The following ME1 variants were observed in gnomAD, a reference collection of about 807,000 sequenced individuals.
The protein encoded by ME1 is malic enzyme 1, also known as NADP-dependent malic enzyme.
In ME1, 74 loss-of-function variants were observed where a neutral mutation model predicts 66.4. The observed-to-expected ratio is 1.11, with a 90% CI of 0.92 to 1.35. The LOEUF (loss-of-function observed/expected upper bound fraction) is 1.35, where lower values mean the gene tolerates loss of function less well. Among genes scored for constraint, ME1 ranks in the 40% most tolerant of loss-of-function variants. The pLI is 0.00. For missense variants in ME1, 750 were observed against 694.1 expected (o/e 1.08, Z -0.90); for synonymous variants, 251 against 235.6 (o/e 1.07, Z -0.60).
intron 6 of ME1, among the ~76,000 whole-genome samples, chr6:83,301,611 G>A (rs2128536815): frequency 6.6e-6 from 1 of 152,188 alleles, no homozygotes; most frequent in East Asian, 1.9e-4. Flanking sequence ...CCAAAGTGCT[G>A]GGATTACAGG....
At chr6:83,408,982 G>C (rs1200453036) in intron 1 of ME1, among the ~76,000 whole-genome samples, 1 of 152,136 alleles carries the variant, frequency 6.6e-6, no homozygotes, top group Admixed American at 6.5e-5. Flanking sequence ...GGGCCTTTGG[G>C]AGGTGATTAG....
intron 10 of ME1, 68 bp downstream of exon 10, chr6:83,228,758 T>A: frequency 1.9e-6 from 2 of 1,026,776 alleles, no homozygotes; most frequent in Non-Finnish European, 2.9e-6. Context: ...ACCTCAAAAA[T>A]TGGTAGTAAA....
intron 2 of ME1, among the ~76,000 whole-genome samples, chr6:83,406,693 T>A (rs1421912680): frequency 6.6e-6 from 1 of 152,178 alleles, no homozygotes; most frequent in African/African-American, 2.4e-5. Flanking sequence ...TGCACAGGTG[T>A]TTTTGGATGA....
At chr6:83,390,328 G>A (rs780963659) in intron 3 of ME1, among the ~76,000 whole-genome samples, 1 of 152,066 alleles carries the variant, frequency 6.6e-6, no homozygotes, top group Non-Finnish European at 1.5e-5. Context: ...AGAATAAGGG[G>A]TATAATTCTC....
intron 5 of ME1, among the ~76,000 whole-genome samples, chr6:83,328,277 G>T (rs1381815591): frequency 6.6e-6 from 1 of 152,068 alleles, no homozygotes; most frequent in East Asian, 1.9e-4. Context: ...GAGAACACAT[G>T]GACACAGGGA....
At chr6:83,402,922 T>C (rs932174210) in intron 2 of ME1, among the ~76,000 whole-genome samples, 1 of 152,226 alleles carries the variant, frequency 6.6e-6, no homozygotes, top group Non-Finnish European at 1.5e-5. Flanking sequence ...ATTTCTTCCT[T>C]GTTTTGCTAT....
intron 3 of ME1, among the ~76,000 whole-genome samples, chr6:83,378,497 T>C (rs896340088): frequency 7.9e-5 from 12 of 152,096 alleles, no homozygotes; most frequent in African/African-American, 2.9e-4. Flanking sequence ...AAAAACTAGA[T>C]ACAATGAAAG....
At chr6:83,281,202 GC>G (rs1767280282) in intron 6 of ME1, among the ~76,000 whole-genome samples, 1 of 152,158 alleles carries the variant, frequency 6.6e-6, no homozygotes, top group Non-Finnish European at 1.5e-5. Flanking sequence ...GAAGACTTAT[GC>G]CATGGTAAAA....
chr6:83,243,699 T>C (rs1475505993), intron 7 of ME1, among the ~76,000 whole-genome samples: 2 of 131,434 alleles, frequency 1.5e-5, no homozygotes, highest in Non-Finnish European at 3.1e-5. Flanking sequence ...AATTATATTA[T>C]ATTGATCTAT....
In ME1 at chr6:83,211,109, T is replaced by G. The variant is rs557973523; in HGVS notation, c.*815A>C. ...TTTCTCAAGGATCTTAACTATATAC[T>G]CTCCTTTCAGACCTTCTCACTGCTC... On this transcript the variant is annotated 3_prime_UTR_variant, in exon 14 of 14. Coordinates refer to ENST00000369705, the MANE Select transcript of ME1 (RefSeq NM_002395.6). 1 of 152,252 alleles carries G rather than the reference T, an allele frequency of 6.6e-6. No individual in the cohort carries two copies. Among genetic ancestry groups the G allele is most frequent in the East Asian group, 1.9e-4 (1 of 5,180 alleles). The allele number at this position is 152,252 out of a possible 1,614,324, so 9.4% of individuals were successfully genotyped here. A position where few individuals can be genotyped will look rare whatever the true frequency, so the allele number is the denominator to read the frequency against.
At chr6:83,344,649 C>A (rs1193231921) in intron 5 of ME1, among the ~76,000 whole-genome samples, 1 of 151,926 alleles carries the variant, frequency 6.6e-6, no homozygotes, top group Non-Finnish European at 1.5e-5. Context: ...TTTGGGAGGG[C>A]GAGGTGGACA....
At chr6:83,362,429 C>A (rs1246862744) in intron 3 of ME1, among the ~76,000 whole-genome samples, 2 of 152,200 alleles carry the variant, frequency 1.3e-5, no homozygotes, top group Non-Finnish European at 2.9e-5. Flanking sequence ...TCTGTGGACA[C>A]CACTCAGCCT....
At chr6:83,241,075 A>G (rs1427221293) in intron 7 of ME1, among the ~76,000 whole-genome samples, 1 of 152,208 alleles carries the variant, frequency 6.6e-6, no homozygotes, top group Non-Finnish European at 1.5e-5. Flanking sequence ...TGTAGAGAAT[A>G]TATCATGACA....
chr6:83,237,272 A>AAAGC lies in ME1; in HGVS notation c.1026+444_1026+445insGCTT, dbSNP rs1554262990. 2.8e-3 allele frequency among the ~76,000 whole-genome samples: 249 copies of AAAGC among 90,238 alleles called. 14 individuals carry two copies. The East Asian group carries it at 0.034, about 12-fold the overall frequency. The allele number at this position is 90,238 out of a possible 152,430, so 59.2% of individuals were successfully genotyped here. On this transcript the variant is annotated intron_variant, in intron 9 of 13. Coordinates refer to ENST00000369705, the MANE Select transcript of ME1 (RefSeq NM_002395.6). ...GAAAGAAAGAAAGAAAGAAAGAAAGAAAGAAAGGAAGGAAGGAAGGAAAGA... is the reference window on the plus strand; with the variant it reads ...GAAAGAAAGAAAGAAAGAAAGAAAGAAAGCAAGAAAGGAAGGAAGGAAGGAAAGA...
chr6:83,393,665 C>A (rs989208738), intron 3 of ME1, among the ~76,000 whole-genome samples: 1 of 151,786 alleles, frequency 6.6e-6, no homozygotes, highest in Non-Finnish European at 1.5e-5. Context: ...TCAAATACTT[C>A]GTTTGATTCA....
At chr6:83,287,652 C>A (rs920257633) in intron 6 of ME1, among the ~76,000 whole-genome samples, 2 of 152,108 alleles carry the variant, frequency 1.3e-5, no homozygotes, top group South Asian at 4.1e-4. Flanking sequence ...GATGTATAAT[C>A]CTTTTGGTAT....
intron 7 of ME1, among the ~76,000 whole-genome samples, chr6:83,248,520 C>G (rs925312395): frequency 6.6e-6 from 1 of 152,112 alleles, no homozygotes; most frequent in African/African-American, 2.4e-5. Context: ...CCACCCAAAT[C>G]TCATCTCAAG....
intron 6 of ME1, among the ~76,000 whole-genome samples, chr6:83,277,783 T>C (rs2128532379): frequency 6.6e-6 from 1 of 152,056 alleles, no homozygotes; most frequent in African/African-American, 2.4e-5. Flanking sequence ...ATGGCTGTAA[T>C]CGCAGCTACA....
intron 2 of ME1, among the ~76,000 whole-genome samples, chr6:83,400,342 A>G (rs1769816555): frequency 1.3e-5 from 2 of 152,074 alleles, no homozygotes; most frequent in Non-Finnish European, 2.9e-5. Context: ...CCATGATTGT[A>G]AGCTTCCTGA....
Sources: gnomAD v4.1 joint callset for allele counts (sites outside exome capture counted in the v4.1 genomes callset) on GRCh38, gnomAD v4.1.1 for gene constraint, MANE v1.5 for transcripts, NCBI Gene and HGNC (gene_info 2026-07-23, HGNC 2026-07-21) for gene names.